The following SGCG variants were observed in gnomAD, a reference collection of about 807,000 sequenced individuals.
SGCG encodes the protein gamma-sarcoglycan.
SGCG carries 26 observed loss-of-function variants against 29.3 expected under a neutral mutation model. The ratio of observed to expected loss-of-function variants is 0.89; its 90% CI spans 0.65 to 1.23. The LOEUF (loss-of-function observed/expected upper bound fraction) is 1.23. Among genes scored for constraint, SGCG ranks in the 50% most tolerant of loss-of-function variants. The probability of loss-of-function intolerance (pLI) is 0.00; values close to 1 mark genes in which losing one functional copy is unlikely to be tolerated. For missense variants in SGCG, 353 were observed against 356.0 expected (o/e 0.99, Z 0.07); for synonymous variants, 145 against 129.7 (o/e 1.12, Z -0.80).
chr13:23,271,084 C>T (rs575277722), intron 4 of SGCG, among the ~76,000 whole-genome samples: 19 of 152,110 alleles, frequency 1.2e-4, no homozygotes, highest in African/African-American at 2.9e-4. Flanking sequence ...TGGTGGCACG[C>T]GCCCGTAATC....
At chr13:23,183,815 A>G (rs1450822753) in intron 1 of SGCG, among the ~76,000 whole-genome samples, 2 of 151,914 alleles carry the variant, frequency 1.3e-5, no homozygotes, top group African/African-American at 4.8e-5. Flanking sequence ...TTACAGGCAT[A>G]TGCCACCATG....
chr13:23,203,558 A>C, intron 1 of SGCG, 137 bp from the exon 2 acceptor site: 1 of 695,408 alleles, frequency 1.4e-6, no homozygotes, highest in Non-Finnish European at 2.6e-6. Flanking sequence ...CTTTTTAAAA[A>C]TCATTAATTT....
chr13:23,162,910 G>T, the SGCG span, among the ~76,000 whole-genome samples: 1 of 151,954 alleles, frequency 6.6e-6, no homozygotes, highest in African/African-American at 2.4e-5. Flanking sequence ...ATTGTACTGT[G>T]GGTAAAATAC....
chr13:23,252,519 G>A (rs558041099), intron 4 of SGCG, among the ~76,000 whole-genome samples: 14 of 152,092 alleles, frequency 9.2e-5, no homozygotes, highest in African/African-American at 3.4e-4. Context: ...GTGAAACCAC[G>A]TCTCTACTAA....
chr13:23,240,896 G>A (rs1227348533), intron 3 of SGCG, among the ~76,000 whole-genome samples: 1 of 152,146 alleles, frequency 6.6e-6, no homozygotes, highest in African/African-American at 2.4e-5. Flanking sequence ...GCTCACGCCT[G>A]TAATCCCAGC....
chr13:23,299,938 G>A (rs1386522697), intron 6 of SGCG, among the ~76,000 whole-genome samples: 3 of 152,188 alleles, frequency 2.0e-5, no homozygotes, highest in African/African-American at 7.2e-5. Context: ...TGAGTTTACA[G>A]TCTATTGAGA....
chr13:23,223,150 C>T (rs1005488264), intron 2 of SGCG, among the ~76,000 whole-genome samples: 1 of 151,628 alleles, frequency 6.6e-6, no homozygotes, highest in African/African-American at 2.4e-5. Context: ...TGGTGGCGGG[C>T]GCCTGTAGTT....
intron 6 of SGCG, among the ~76,000 whole-genome samples, chr13:23,312,457 A>G (rs1024089735): frequency 1.3e-5 from 2 of 152,244 alleles, no homozygotes; most frequent in Non-Finnish European, 2.9e-5. Flanking sequence ...GGAAGTGTTC[A>G]CCAGTTTTCA....
chr13:23,311,783 T>C (rs776402999), intron 6 of SGCG, among the ~76,000 whole-genome samples: 7 of 152,242 alleles, frequency 4.6e-5, no homozygotes, highest in Non-Finnish European at 1.0e-4. Flanking sequence ...CAGTTATCTT[T>C]CTATCTAATT....
At chr13:23,188,303 T>C (rs534171753) in intron 1 of SGCG, among the ~76,000 whole-genome samples, 2 of 148,728 alleles carry the variant, frequency 1.3e-5, no homozygotes, top group East Asian at 2.0e-4. Flanking sequence ...ACACATCTTT[T>C]ACTAAGGCTT....
intron 6 of SGCG, among the ~76,000 whole-genome samples, chr13:23,311,613 C>A (rs1339306845): frequency 6.6e-6 from 1 of 152,140 alleles, no homozygotes; most frequent in African/African-American, 2.4e-5. Flanking sequence ...GAGATGAGGG[C>A]AAAGTGAGGC....
intron 5 of SGCG, among the ~76,000 whole-genome samples, chr13:23,286,185 T>G (rs1410852402): frequency 6.6e-6 from 1 of 152,216 alleles, no homozygotes; most frequent in Non-Finnish European, 1.5e-5. Context: ...TGCTTTATAC[T>G]ACAAAGATCT....
intron 5 of SGCG, among the ~76,000 whole-genome samples, chr13:23,294,090 C>T (rs1436097265): frequency 2.0e-5 from 3 of 152,126 alleles, no homozygotes; most frequent in Non-Finnish European, 1.5e-5. Flanking sequence ...GGAAAGTGCA[C>T]AGTGTGAGGA....
intron 1 of SGCG, among the ~76,000 whole-genome samples, chr13:23,192,502 C>G (rs1471738618): frequency 6.6e-6 from 1 of 151,994 alleles, no homozygotes; most frequent in East Asian, 1.9e-4. Context: ...TAAATGATTC[C>G]CCTGCCTCAG....
chr13:23,304,848 C>T (rs992521784), intron 6 of SGCG, among the ~76,000 whole-genome samples: 3 of 152,186 alleles, frequency 2.0e-5, no homozygotes, highest in Admixed American at 6.5e-5. Context: ...AGGCTGGTCT[C>T]GATCTCCTGG....
At chr13:23,223,933 G>T (rs1878789623) in intron 2 of SGCG, among the ~76,000 whole-genome samples, 2 of 152,004 alleles carry the variant, frequency 1.3e-5, no homozygotes, top group African/African-American at 4.8e-5. Flanking sequence ...GCCATTGCAT[G>T]CCAGCCTGGG....
chr13:23,288,895 T>C (rs977331786), intron 5 of SGCG, among the ~76,000 whole-genome samples: 4 of 152,160 alleles, frequency 2.6e-5, no homozygotes, highest in African/African-American at 9.7e-5. Context: ...AGTATCCATT[T>C]CCCACCACTA....
upstream of SGCG, among the ~76,000 whole-genome samples, chr13:23,180,116 G>A (rs917069454): frequency 1.3e-5 from 2 of 151,942 alleles, no homozygotes; most frequent in Non-Finnish European, 2.9e-5. Context: ...TATATTCAAG[G>A]TTTAGTACTA....
chr13:23,215,492 T>C (rs1878393900), intron 2 of SGCG, among the ~76,000 whole-genome samples: 1 of 152,310 alleles, frequency 6.6e-6, no homozygotes, highest in African/African-American at 2.4e-5. Flanking sequence ...ATTAGGATTA[T>C]GTTCAATCTG....
Sources: allele counts gnomAD v4.1 joint callset (sites outside exome capture counted in the v4.1 genomes callset), GRCh38; gene constraint gnomAD v4.1.1; transcripts MANE v1.5; gene names NCBI Gene and HGNC (gene_info 2026-07-23, HGNC 2026-07-21).